The following HTD2 variants were observed in gnomAD, a reference collection of about 807,000 sequenced individuals.
HTD2 encodes hydroxyacyl-thioester dehydratase type 2, mitochondrial.
A neutral mutation model predicts 3.1 loss-of-function variants in HTD2; 1 was observed. The observed-to-expected ratio is 0.32, with a 90% CI of 0.11 to 1.52. The LOEUF is 1.52. Ranked by LOEUF, HTD2 falls within the 40% of genes most tolerant of loss-of-function variation. The probability of loss-of-function intolerance (pLI) is 0.39; values close to 1 mark genes in which losing one functional copy is unlikely to be tolerated. For missense variants in HTD2, 150 were observed against 79.6 expected, an observed-to-expected ratio of 1.88 and a Z score of -3.36; for synonymous variants, 50 against 28.9, an observed-to-expected ratio of 1.73 and a Z score of -2.34.
chr3:58,317,191 G>A (rs1387132313), intron 4 of HTD2, among the ~76,000 whole-genome samples, 198 bp downstream of exon 4: 1 of 152,184 alleles, frequency 6.6e-6, no homozygotes, highest in Non-Finnish European at 1.5e-5. Flanking sequence ...GAGATGTTTT[G>A]GGATAAAACT....
rs932126555 is a variant in HTD2 at position 58,317,754 on chromosome 3, C to A, written c.141C>A (p.Ala47=). Residue 47 remains alanine, a synonymous_variant, in exon 5 of 5, where the codon GCC becomes GCA. Transcript: ENST00000461393. The part of the protein sequence containing the change: ...KVGDRAELRR[A]FTQTDVATFS... ...GAGACCGCGCTGAACTTAGGAGGGC[C>A]TTCACACAGACTGATGTGGCTACCT... is the stretch of plus-strand genomic sequence containing the variant. 2.6e-5 allele frequency: 18 copies of A among 703,184 alleles called. No homozygotes were observed. The African/African-American group carries it at 3.0e-4, about 12-fold the overall frequency. The allele number at this position is 703,184 out of a possible 1,614,324, so 43.6% of individuals were successfully genotyped here.
In HTD2 at chr3:58,309,648, C is replaced by T. The variant is rs554475404; in HGVS notation, c.-415-859C>T. On this transcript the variant is annotated intron_variant, in intron 1 of 4. Coordinates refer to ENST00000461393, the MANE Select transcript of HTD2 (RefSeq NM_001348712.2). ...GGCTCACACCTGTAATACCGGCACT[C>T]TGGGAGGCCGAGGCAGGCGTATCAC... Among the ~76,000 whole-genome samples, 22 of 152,250 alleles carry T rather than the reference C, an allele frequency of 1.4e-4. No individual in the cohort carries two copies. In the South Asian group the frequency reaches 4.4e-3, roughly 30 times the overall value.
chr3:58,316,701 G>T, intron 3 of HTD2, 110 bp downstream of exon 3: 2 of 1,059,322 alleles, frequency 1.9e-6, no homozygotes, highest in Non-Finnish European at 2.9e-6. Context: ...ACTCTGAGCA[G>T]CTTTTGGGAA....
At chr3:58,313,041 A>T (rs2097484081) in intron 2 of HTD2, among the ~76,000 whole-genome samples, 1 of 151,300 alleles carries the variant, frequency 6.6e-6, no homozygotes, top group East Asian at 2.0e-4. Flanking sequence ...AGGCAGGCAG[A>T]TCCCAAGGTC....
In HTD2 at chr3:58,319,747, G is replaced by A. The variant is rs1297890175; in HGVS notation, c.*1627G>A. The A allele has an allele frequency of 6.6e-6, 1 of 151,978 alleles. No individual in the cohort carries two copies. The highest frequency in any genetic ancestry group is 1.5e-5 in the Non-Finnish European group (1 of 67,998). The allele number at this position is 151,978 out of a possible 1,614,324, so 9.4% of individuals were successfully genotyped here. A position where few individuals can be genotyped will look rare whatever the true frequency, so the allele number is the denominator to read the frequency against. On this transcript the variant is annotated 3_prime_UTR_variant, in exon 5 of 5. Coordinates refer to ENST00000461393, the MANE Select transcript of HTD2 (RefSeq NM_001348712.2). ...ATTGAAGGGGAGATGTGCCTAACAT[G>A]TTACTACTAAATGGCCATCCCAACA...
chr3:58,314,133 C>G (rs1191279718), intron 2 of HTD2, among the ~76,000 whole-genome samples: 1 of 151,982 alleles, frequency 6.6e-6, no homozygotes, highest in East Asian at 1.9e-4. Flanking sequence ...GGTTGATTGC[C>G]TGAGGTCAGG....
At chr3:58,313,665 A>G (rs975714778) in intron 2 of HTD2, among the ~76,000 whole-genome samples, 1 of 152,090 alleles carries the variant, frequency 6.6e-6, no homozygotes, top group African/African-American at 2.4e-5. Flanking sequence ...CTACAAAACA[A>G]TTTGAAAAAT....
intron 2 of HTD2, among the ~76,000 whole-genome samples, chr3:58,312,334 A>ACCCT (rs2097483126): frequency 1.4e-5 from 1 of 69,662 alleles, no homozygotes; most frequent in African/African-American, 5.3e-5. Context: ...CAACCTCCGC[A>ACCCT]CCCCCCCCCG....
chr3:58,311,937 G>C (rs1347451401), intron 2 of HTD2, among the ~76,000 whole-genome samples: 1 of 151,292 alleles, frequency 6.6e-6, no homozygotes, highest in Non-Finnish European at 1.5e-5. Context: ...CAGTGGCATG[G>C]TCATGGCTCA....
intron 2 of HTD2, among the ~76,000 whole-genome samples, chr3:58,311,792 T>C (rs1377745298): frequency 6.6e-6 from 1 of 152,164 alleles, no homozygotes; most frequent in East Asian, 1.9e-4. Context: ...CATGTCTTTT[T>C]GAATTGATTT....
chr3:58,309,774 C>A (rs2107500083), intron 1 of HTD2, among the ~76,000 whole-genome samples: 1 of 152,248 alleles, frequency 6.6e-6, no homozygotes, highest in Non-Finnish European at 1.5e-5. Context: ...TTCCTATAAT[C>A]CCAGCTACTC....
rs1423003578 is a variant in HTD2, at chr3:58,317,670, C to G, written c.57C>G (p.Val19=). ...HLWWGGLRRT[V]CLNLPVLTLQ... is the part of the protein sequence containing the mutation. ...GGTGGGGTGGGCTTCGGAGGACAGTCTGTCTGAACCTGCCAGTGCTGACCC... is the reference window on the plus strand; with the variant it reads ...GGTGGGGTGGGCTTCGGAGGACAGTGTGTCTGAACCTGCCAGTGCTGACCC... The change falls in exon 5 of 5, where the codon GTC becomes GTG. Residue 19 remains valine, a synonymous_variant. Transcript: ENST00000461393. 2.8e-6 allele frequency: 2 copies of G among 705,802 alleles called. No individual in the cohort carries two copies. Among genetic ancestry groups the G allele is most frequent in the Non-Finnish European group, 5.2e-6 (2 of 386,392 alleles). The allele number at this position is 705,802 out of a possible 1,614,324, so 43.7% of individuals were successfully genotyped here. A position where few individuals can be genotyped will look rare whatever the true frequency, so the allele number is the denominator to read the frequency against.
At chr3:58,315,261 T>G (rs867652701) in intron 2 of HTD2, among the ~76,000 whole-genome samples, 1 of 152,154 alleles carries the variant, frequency 6.6e-6, no homozygotes. Flanking sequence ...CAGAGAATTA[T>G]GCTGAGCGAA....
intron 3 of HTD2, 66 bp from the exon 4 acceptor site, chr3:58,316,849 C>A: frequency 7.5e-7 from 1 of 1,324,974 alleles, no homozygotes; most frequent in Non-Finnish European, 1.1e-6. Context: ...ATTTTAGAAA[C>A]CTTAGTTGAA....
chr3:58,317,880 C>A lies in HTD2; in HGVS notation c.267C>A (p.Asn89Lys), dbSNP rs770479821. 1 of 703,010 alleles carries A rather than the reference C, an allele frequency of 1.4e-6. No individual in the cohort carries two copies. The highest frequency in any genetic ancestry group is 2.6e-6 in the Non-Finnish European group (1 of 384,996). 43.5% of individuals were successfully genotyped at this position (703,010 alleles called of 1,614,324 possible). ...GNTIVHGVLINGLISALLGTK... is the reference protein window; with the variant it reads ...GNTIVHGVLIKGLISALLGTK... ...CAATTGTACATGGAGTTTTGATCAA[C>A]GGACTTATCTCAGCTCTCCTAGGAA... The change falls in exon 5 of 5, where the codon AAC (asparagine) becomes AAA (lysine). Residue 89 changes from asparagine to lysine, a missense_variant. Coordinates refer to ENST00000461393, the MANE Select transcript of HTD2 (RefSeq NM_001348712.2).
intron 1 of HTD2, 196 bp from the exon 2 acceptor site, chr3:58,310,310 TG>T (rs1453554806): frequency 1.2e-6 from 2 of 1,610,844 alleles, no homozygotes; most frequent in African/African-American, 2.7e-5. Flanking sequence ...TTACTGTAGG[TG>T]TGATCAGCAC....
chr3:58,307,159 G>A (rs2097476187), intron 1 of HTD2, among the ~76,000 whole-genome samples: 1 of 152,254 alleles, frequency 6.6e-6, no homozygotes, highest in Non-Finnish European at 1.5e-5. Context: ...CGGGGATTGA[G>A]CGGAGGGAGA....
chr3:58,308,128 C>T (rs1372689000), intron 1 of HTD2: 1 of 152,162 alleles, frequency 6.6e-6, no homozygotes, highest in Non-Finnish European at 1.5e-5. Context: ...TCTCCCTGCC[C>T]TTCTAGTTAG....
intron 1 of HTD2, chr3:58,310,205 T>G: frequency 1.2e-6 from 1 of 828,816 alleles, no homozygotes; most frequent in Non-Finnish European, 2.0e-6. Context: ...AGACCCTGCC[T>G]TAAAACAAAC....
Sources: allele counts gnomAD v4.1 joint callset (sites outside exome capture counted in the v4.1 genomes callset), GRCh38; gene constraint gnomAD v4.1.1; transcripts MANE v1.5; gene names NCBI Gene and HGNC (gene_info 2026-07-23, HGNC 2026-07-21).